The following MGAT5 variants were observed in gnomAD, a reference collection of about 807,000 sequenced individuals.
MGAT5 encodes the protein alpha-1,6-mannosylglycoprotein 6-beta-N-acetylglucosaminyltransferase.
In MGAT5, 30 loss-of-function variants were observed where a neutral mutation model predicts 94.3. The ratio of observed to expected loss-of-function variants is 0.32; its 90% confidence interval spans 0.24 to 0.43. The LOEUF (loss-of-function observed/expected upper bound fraction) is 0.43, where lower values mean the gene tolerates loss of function less well. Among genes scored for constraint, MGAT5 ranks in the 20% least tolerant of loss-of-function variants. The pLI is 1.00. For synonymous variants in MGAT5, 310 were observed against 322.9 expected (o/e 0.96, Z 0.43); for missense variants, 691 against 905.5 (o/e 0.76, Z 3.04).
chr2:134,393,357 CCT>C (rs1325064449), intron 10 of MGAT5, among the ~76,000 whole-genome samples: 2 of 152,134 alleles, frequency 1.3e-5, no homozygotes, highest in Non-Finnish European at 1.5e-5. Flanking sequence ...CCAATTCTCC[CCT>C]GTCTCCACTC....
chr2:134,189,602 G>GTTTTGTTT (rs1553490380), intron 1 of MGAT5, among the ~76,000 whole-genome samples: 7 of 84,664 alleles, frequency 8.3e-5, no homozygotes, highest in South Asian at 4.2e-4. Flanking sequence ...GTTTTTTTTT[G>GTTTTGTTT]TTTTTTTTTT....
chr2:134,367,185 A>G (rs1680484683), intron 10 of MGAT5, among the ~76,000 whole-genome samples: 1 of 152,228 alleles, frequency 6.6e-6, no homozygotes, highest in South Asian at 2.1e-4. Flanking sequence ...GGTTGGGTAC[A>G]TTACTTAGCT....
At chr2:134,381,402 A>C (rs904221986) in intron 10 of MGAT5, among the ~76,000 whole-genome samples, 2 of 110,534 alleles carry the variant, frequency 1.8e-5, no homozygotes, top group South Asian at 2.7e-4. Context: ...AGATAGATAG[A>C]TAGATAGATA....
At chr2:134,335,408 C>A (rs1483960919) in intron 4 of MGAT5, among the ~76,000 whole-genome samples, 1 of 152,142 alleles carries the variant, frequency 6.6e-6, no homozygotes, top group Non-Finnish European at 1.5e-5. Flanking sequence ...AGAACAGACA[C>A]CAATATAACT....
At chr2:134,341,283 A>G (rs1188017017) in intron 6 of MGAT5, among the ~76,000 whole-genome samples, 1 of 152,190 alleles carries the variant, frequency 6.6e-6, no homozygotes, top group African/African-American at 2.4e-5. Context: ...GTGTTAGAAA[A>G]TACTGTCCTG....
intron 2 of MGAT5, among the ~76,000 whole-genome samples, chr2:134,296,912 C>G (rs1414947471): frequency 6.6e-6 from 1 of 152,020 alleles, no homozygotes; most frequent in Non-Finnish European, 1.5e-5. Flanking sequence ...TCAAAATCAT[C>G]TGAAGGTGGG....
chr2:134,290,371 T>G (rs1558764117), intron 2 of MGAT5, among the ~76,000 whole-genome samples: 1 of 152,180 alleles, frequency 6.6e-6, no homozygotes, highest in East Asian at 1.9e-4. Flanking sequence ...TAAAGTAGAT[T>G]ATAGGTTGAG....
intron 2 of MGAT5, among the ~76,000 whole-genome samples, chr2:134,315,497 TAGA>T (rs1442499495): frequency 3.9e-5 from 6 of 152,220 alleles, no homozygotes; most frequent in African/African-American, 1.2e-4. Context: ...AGCTGGCAGC[TAGA>T]AGGAGAGCCC....
At chr2:134,166,308 G>A (rs913591034) in intron 1 of MGAT5, among the ~76,000 whole-genome samples, 3 of 152,218 alleles carry the variant, frequency 2.0e-5, no homozygotes, top group African/African-American at 7.2e-5. Context: ...AACAGTAAGG[G>A]CACAAGTTTA....
rs547229518 is a variant in MGAT5, at chr2:134,239,793, G to A, written c.-142-14469G>A. Among the ~76,000 whole-genome samples the A allele has an allele frequency of 9.9e-5, 15 of 152,054 alleles. No homozygotes were observed. In the South Asian group the frequency reaches 3.1e-3, roughly 32 times the overall value. On this transcript the variant is annotated intron_variant, in intron 1 of 16. Coordinates refer to the MGAT5 transcript ENST00000409645. ...TAATTATGATATGTTCCAAAAAGGA[G>A]TAAAACGTAATACAAGAAGATAAAA... is the stretch of plus-strand genomic sequence containing the variant.
At chr2:134,174,158 G>A (rs1218835466) in intron 1 of MGAT5, among the ~76,000 whole-genome samples, 1 of 152,248 alleles carries the variant, frequency 6.6e-6, no homozygotes, top group Admixed American at 6.5e-5. Context: ...GTCAGGAAAC[G>A]TTTCTCACAT....
chr2:134,317,508 G>A (rs756868402), intron 2 of MGAT5, 21 bp from the exon 3 acceptor site: 10 of 1,521,908 alleles, frequency 6.6e-6, no homozygotes, highest in Non-Finnish European at 7.1e-6. Context: ...TGTATCCTTT[G>A]TTGTTTTTCA....
chr2:134,180,970 G>A (rs1439494914), intron 1 of MGAT5, among the ~76,000 whole-genome samples: 2 of 152,100 alleles, frequency 1.3e-5, no homozygotes, highest in Admixed American at 6.5e-5. Flanking sequence ...ACCCTGTCTC[G>A]CCTAAACATT....
At chr2:134,362,958 C>G (rs1161205649) in intron 10 of MGAT5, among the ~76,000 whole-genome samples, 1 of 152,204 alleles carries the variant, frequency 6.6e-6, no homozygotes, top group Non-Finnish European at 1.5e-5. Flanking sequence ...GGCCACAGAC[C>G]AAACCAAGTC....
chr2:134,129,350 G>T (rs758075419), intron 1 of MGAT5, among the ~76,000 whole-genome samples: 1 of 152,168 alleles, frequency 6.6e-6, no homozygotes, highest in Admixed American at 6.5e-5. Context: ...ATTAGACCAA[G>T]CAGGTTAATG....
At chr2:134,430,677 A>G (rs3791321) in intron 14 of MGAT5, among the ~76,000 whole-genome samples, 1 of 123,706 alleles carries the variant, frequency 8.1e-6, no homozygotes, top group African/African-American at 3.1e-5. Flanking sequence ...CACCCCCACC[A>G]TATAGGCCTT....
At chr2:134,355,941 A>G (rs543199196) in intron 9 of MGAT5, among the ~76,000 whole-genome samples, 37 of 152,366 alleles carry the variant, frequency 2.4e-4, no homozygotes, top group South Asian at 1.9e-3. Context: ...AAAAATTTCA[A>G]TAACCTTTGA....
rs1683154512 is a variant in MGAT5, at chr2:134,258,995, C to T, written c.241+4351C>T. On this transcript the variant is annotated intron_variant, in intron 1 of 15. Coordinates refer to ENST00000281923, the MANE Select transcript of MGAT5 (RefSeq NM_002410.5). ...AACAATAATAGAACTTGAAGAGTAT[C>T]TTCCCTTCCCCAACCCATCCTTGTT... Among the ~76,000 whole-genome samples the T allele has an allele frequency of 2.0e-5, 3 of 152,346 alleles. No individual in the cohort carries two copies. In the South Asian group the frequency reaches 6.2e-4, roughly 32 times the overall value.
chr2:134,330,619 G>T (rs1383344315), intron 4 of MGAT5, among the ~76,000 whole-genome samples: 2 of 145,688 alleles, frequency 1.4e-5, no homozygotes, highest in East Asian at 4.1e-4. Context: ...CTTCATACAT[G>T]ATGGTATGCT....
Sources: allele counts gnomAD v4.1 joint callset (sites outside exome capture counted in the v4.1 genomes callset), GRCh38; gene constraint gnomAD v4.1.1; transcripts MANE v1.5; gene names NCBI Gene and HGNC (gene_info 2026-07-23, HGNC 2026-07-21).